Variants in CAMTA1 observed in about 807,000 individuals in gnomAD.
The protein encoded by CAMTA1 is calmodulin binding transcription activator 1.
Under a neutral mutation model 170.9 loss-of-function variants are expected in CAMTA1, and 27 were observed. The ratio of observed to expected loss-of-function variants is 0.16; its 90% CI spans 0.12 to 0.22. The LOEUF (loss-of-function observed/expected upper bound fraction) is 0.22, where lower values mean the gene tolerates loss of function less well. Among genes scored for constraint, CAMTA1 ranks in the 10% least tolerant of loss-of-function variants. CAMTA1 has a pLI of 1.00. For synonymous variants in CAMTA1, 833 were observed against 891.5 expected (o/e 0.93, Z 1.17); for missense variants, 1,619 against 2,217.2 (o/e 0.73, Z 5.42).
intron 5 of CAMTA1, among the ~76,000 whole-genome samples, chr1:7,332,802 T>C (rs528745735): frequency 4.2e-4 from 64 of 152,232 alleles, no homozygotes; most frequent in African/African-American, 1.5e-3. Flanking sequence ...TTACAGTTTA[T>C]AGAAATGAGC....
rs1210016795 is a variant in CAMTA1, at chr1:7,216,274, T to C, written c.303-33217T>C. Among the ~76,000 whole-genome samples, 1 of 152,210 alleles carries C rather than the reference T, an allele frequency of 6.6e-6. No individual in the cohort carries two copies. The highest frequency in any genetic ancestry group is 6.5e-5 in the Admixed American group (1 of 15,284). On this transcript the variant is annotated intron_variant, in intron 4 of 22. Transcript: ENST00000303635. This position sits in a 1 kb window ranked among gnomAD's most constrained non-coding sequence, Gnocchi z 4.0. ...TGATTCAGTCACCTCCCCCAGGCTC[T>C]TCCTCCAACACTGGGGATTACAGTT...
rs183770175 is a variant in CAMTA1, at chr1:7,512,006, G to T, written c.510+44105G>T. Among the ~76,000 whole-genome samples the T allele has an allele frequency of 3.1e-3, 475 of 152,350 alleles. 2 individuals are homozygous for T. The highest frequency in any genetic ancestry group is 0.011 in the African/African-American group (458 of 41,588). The stretch of plus-strand genomic sequence containing the variant: ...ACAGGCTTATCTGGATAGATGGGTT[G>T]CCTGGCTCTGCGCTCAGCTGCCACT... On this transcript the variant is annotated intron_variant, in intron 6 of 22. Transcript: ENST00000303635.
chr1:6,963,869 C>T (rs942056360), intron 3 of CAMTA1, among the ~76,000 whole-genome samples: 3 of 152,254 alleles, frequency 2.0e-5, no homozygotes, highest in African/African-American at 7.2e-5. Context: ...CCTTGTTCCA[C>T]TTCAGTTTCC....
chr1:7,229,800 G>A (rs967708029), intron 4 of CAMTA1, among the ~76,000 whole-genome samples: 1 of 152,160 alleles, frequency 6.6e-6, no homozygotes, highest in Non-Finnish European at 1.5e-5. Context: ...TTATAAAACA[G>A]TTGATGTTCT....
rs753274627 is a variant in CAMTA1 at position 7,103,770 on chromosome 1, AAC to A, written c.302+12405_302+12406del. ...CAATACATTACACACATGCACACAC[AAC>A]ACACATAACTACACGTACATACAAC... On this transcript the variant is annotated intron_variant, in intron 4 of 22. Coordinates refer to ENST00000303635, the MANE Select transcript of CAMTA1 (RefSeq NM_015215.4). Among the ~76,000 whole-genome samples, 106 of 151,746 alleles carry A rather than the reference AAC, an allele frequency of 7.0e-4. No homozygotes were observed. In the East Asian group the frequency reaches 7.6e-3, roughly 11 times the overall value.
chr1:6,819,455 T>C (rs981310437), intron 1 of CAMTA1, among the ~76,000 whole-genome samples: 8 of 152,308 alleles, frequency 5.3e-5, no homozygotes, highest in South Asian at 2.1e-4. Flanking sequence ...TAGTTGGCGC[T>C]CTGCACATTT....
intron 6 of CAMTA1, among the ~76,000 whole-genome samples, chr1:7,503,287 G>C (rs2094040444): frequency 1.3e-5 from 2 of 152,220 alleles, no homozygotes; most frequent in African/African-American, 4.8e-5. Flanking sequence ...TCCCGCCTGG[G>C]TTTTTGCTTA....
intron 19 of CAMTA1, among the ~76,000 whole-genome samples, chr1:7,749,999 A>AT (rs571337347): frequency 8.2e-4 from 125 of 152,188 alleles, no homozygotes; most frequent in Non-Finnish European, 1.5e-3. Context: ...ATAACTGGAC[A>AT]TTTTTTGGCT....
At chr1:7,761,949 A>G (rs2794666) in intron 22 of CAMTA1, among the ~76,000 whole-genome samples, 22,971 of 151,980 alleles carry the variant, frequency 0.15, 2,007 homozygotes, top group African/African-American at 0.18. Flanking sequence ...CCAGGAGTTC[A>G]AGACCAGCTT....
chr1:6,933,591 G>A (rs1684798253), intron 3 of CAMTA1, among the ~76,000 whole-genome samples: 1 of 151,862 alleles, frequency 6.6e-6, no homozygotes, highest in Non-Finnish European at 1.5e-5. Context: ...GAATTTTATA[G>A]ATTTTAAAAT....
rs2094949793 is a variant in CAMTA1, at chr1:7,561,031, CCTCTGCG to C, written c.511-79365_511-79359del. On this transcript the variant is annotated intron_variant, in intron 6 of 22. Transcript: ENST00000303635. This position sits in a 1 kb window ranked among gnomAD's most constrained non-coding sequence, Gnocchi z 5.3. ...CAGGCTGGGACCTAGAAGCCCTGGC[CCTCTGCG>C]CTCAGGCTCAGGGGGTGACGCTGGG... 6.6e-6 allele frequency among the ~76,000 whole-genome samples: 1 copy of C among 152,116 alleles called. No homozygotes were observed. The highest frequency in any genetic ancestry group is 2.4e-5 in the African/African-American group (1 of 41,420).
intron 6 of CAMTA1, among the ~76,000 whole-genome samples, chr1:7,512,601 G>A (rs2094217397): frequency 6.6e-6 from 1 of 152,228 alleles, no homozygotes; most frequent in African/African-American, 2.4e-5. Context: ...AGCAGAAGGC[G>A]GGAGGGCCGT....
In CAMTA1 at chr1:7,211,564, T is replaced by C. The variant is rs148540396; in HGVS notation, c.303-37927T>C. ...TTGTGATTTTGAGATTCATCCGTGT[T>C]GTTGTTATCAGTGGTTCTTTGCACC... On this transcript the variant is annotated intron_variant, in intron 4 of 22. Transcript: ENST00000303635. Among the ~76,000 whole-genome samples the C allele has an allele frequency of 4.8e-3, 737 of 152,346 alleles. 3 individuals carry two copies. The highest frequency in any genetic ancestry group is 0.017 in the African/African-American group (708 of 41,580).
chr1:6,852,012 C>CAA (rs71280861), intron 3 of CAMTA1, among the ~76,000 whole-genome samples: 93 of 90,626 alleles, frequency 1.0e-3, no homozygotes, highest in African/African-American at 3.4e-3. Context: ...ACTCTATCTC[C>CAA]AAAAAAAAAA....
intron 4 of CAMTA1, among the ~76,000 whole-genome samples, chr1:7,119,057 C>G (rs750298284): frequency 1.3e-4 from 20 of 152,184 alleles, no homozygotes; most frequent in Non-Finnish European, 2.8e-4. Flanking sequence ...TCACATGCAG[C>G]CTGGGGTCTG....
At chr1:7,509,887 A>G (rs1008138854) in intron 6 of CAMTA1, among the ~76,000 whole-genome samples, 2 of 151,962 alleles carry the variant, frequency 1.3e-5, no homozygotes, top group Admixed American at 6.6e-5. Flanking sequence ...AGGATTTTCC[A>G]TGAGTTCACA....
chr1:7,201,366 A>G (rs1656663494), intron 4 of CAMTA1, among the ~76,000 whole-genome samples: 1 of 152,152 alleles, frequency 6.6e-6, no homozygotes, highest in African/African-American at 2.4e-5. Context: ...TTGTGTAGAC[A>G]TATTTTTTTT....
At chr1:7,579,224 T>G (rs1412242957) in intron 6 of CAMTA1, among the ~76,000 whole-genome samples, 1 of 152,240 alleles carries the variant, frequency 6.6e-6, no homozygotes, top group Non-Finnish European at 1.5e-5. Context: ...CTAGCCCTCA[T>G]GCCCAAGCCT....
At chr1:6,792,330 G>A (rs1358156601) in intron 1 of CAMTA1, among the ~76,000 whole-genome samples, 1 of 151,632 alleles carries the variant, frequency 6.6e-6, no homozygotes, top group Non-Finnish European at 1.5e-5. Context: ...GGTGAGTAAA[G>A]GGTGGTTTTG....
Sources: gnomAD v4.1 joint callset for allele counts (sites outside exome capture counted in the v4.1 genomes callset) on GRCh38, gnomAD v4.1.1 for gene constraint, Gnocchi (gnomAD v3.1) non-coding constraint, MANE v1.5 for transcripts, NCBI Gene and HGNC (gene_info 2026-07-23, HGNC 2026-07-21) for gene names.